Variants in BORCS8 observed in about 807,000 individuals in gnomAD.
The protein encoded by BORCS8 is BLOC-1 related complex subunit 8, also known as BLOC-1-related complex subunit 8.
In BORCS8, 13 loss-of-function variants were observed where a neutral mutation model predicts 18.7. The ratio of observed to expected loss-of-function variants is 0.70; its 90% CI spans 0.45 to 1.11. The LOEUF (loss-of-function observed/expected upper bound fraction) is 1.11, where lower values mean the gene tolerates loss of function less well. Ranked by LOEUF, BORCS8 falls within the 50% of genes least tolerant of loss-of-function variation. BORCS8 has a pLI of 0.00. For missense variants in BORCS8, 165 were observed against 165.7 expected (o/e 1.00, Z 0.02); for synonymous variants, 68 against 64.8 (o/e 1.05, Z -0.24).
At chr19:19,187,569 T>C (rs1371530678) in intron 1 of BORCS8, among the ~76,000 whole-genome samples, 3 of 151,324 alleles carry the variant, frequency 2.0e-5, no homozygotes, top group Admixed American at 1.3e-4. Flanking sequence ...AGACAGAGTC[T>C]TGCTCTGTCA....
At position 19,182,932 on chromosome 19, in the gene BORCS8, A is replaced by G. The variant is rs919066751; in HGVS notation, c.216-249T>C. On this transcript the variant is annotated intron_variant, in intron 3 of 5. Transcript: ENST00000462790. The surrounding 1 kb of genome is among the most constrained non-coding windows in gnomAD (Gnocchi z 4.1). ...GGAGGGATCAGTGTATAAAGATGTCATAAAAAATATCTCGGCCATTACTGC... is the reference window on the plus strand; with the variant it reads ...GGAGGGATCAGTGTATAAAGATGTCGTAAAAAATATCTCGGCCATTACTGC... 6.6e-6 allele frequency among the ~76,000 whole-genome samples: 1 copy of G among 152,230 alleles called. No individual in the cohort carries two copies. The highest frequency in any genetic ancestry group is 1.5e-5 in the Non-Finnish European group (1 of 68,044).
chr19:19,186,205 A>G, intron 2 of BORCS8, 107 bp from the exon 3 acceptor site: 3 of 1,069,094 alleles, frequency 2.8e-6, no homozygotes, highest in Non-Finnish European at 2.8e-6. Flanking sequence ...TGGTGGAAGC[A>G]GAGACCTTTC....
intron 4 of BORCS8, chr19:19,181,780 T>G (rs561290550): frequency 1.2e-6 from 1 of 838,886 alleles, no homozygotes. Context: ...ACAGATGCTT[T>G]CTTTCTTTTG....
intron 5 of BORCS8, chr19:19,177,720 AAAGAAAAGAAAAGAAAAGAAAAG>A (rs2060312771): frequency 5.9e-6 from 1 of 169,958 alleles, no homozygotes; most frequent in African/African-American, 2.8e-5. Context: ...AAAGAAAAGA[AAAGAAAAGAAAAGAAAAGAAAAG>A]AAAAGAAAAG....
Position 19,182,300 on chromosome 19 carries a change from G to A in BORCS8, c.326+273C>T. The A allele has an allele frequency of 5.4e-6, 4 of 739,198 alleles. No homozygotes were observed. The highest frequency in any genetic ancestry group is 7.4e-6 in the Non-Finnish European group (4 of 540,222). 45.8% of individuals were successfully genotyped at this position (739,198 alleles called of 1,614,324 possible). On this transcript the variant is annotated intron_variant, in intron 4 of 5. Coordinates refer to ENST00000462790, the MANE Select transcript of BORCS8 (RefSeq NM_001145784.2). This position sits in a 1 kb window ranked among gnomAD's most constrained non-coding sequence, Gnocchi z 4.1. ...TCTTGTCTGCCATGTTTACCTGGTT[G>A]TCGTATGTCTCCTTGTGAGCCTGTC... is the stretch of plus-strand genomic sequence containing the variant.
chr19:19,177,685 GAAGGAAGGAAGAGAAAAGAAAAGA>G (rs1161322957), intron 5 of BORCS8: 710 of 55,748 alleles, frequency 0.013, 9 homozygotes, highest in African/African-American at 0.018. Context: ...AGGAAGGAAG[GAAGGAAGGAAGAGAAAAGAAAAGA>G]AAAGAAAAGA....
At chr19:19,180,606 G>T in intron 5 of BORCS8, 80 bp downstream of exon 5, 2 of 986,512 alleles carry the variant, frequency 2.0e-6, no homozygotes, top group Non-Finnish European at 3.2e-6. Flanking sequence ...TAGACAAGCA[G>T]GTGCCTGCCT....
At chr19:19,181,203 A>T (rs2060345975) in intron 4 of BORCS8, among the ~76,000 whole-genome samples, 3 of 151,840 alleles carry the variant, frequency 2.0e-5, no homozygotes, top group Admixed American at 6.6e-5. Flanking sequence ...TTGAAAAAAA[A>T]AAAAAGGGAC....
intron 1 of BORCS8, 74 bp from the exon 2 acceptor site, chr19:19,187,079 G>A: frequency 8.2e-7 from 1 of 1,213,698 alleles, no homozygotes; most frequent in Non-Finnish European, 1.2e-6. Context: ...CAAGTGTTGA[G>A]CCCAGCCAGA....
At chr19:19,181,399 AACTC>A (rs1220533190) in intron 4 of BORCS8, among the ~76,000 whole-genome samples, 3 of 152,196 alleles carry the variant, frequency 2.0e-5, no homozygotes, top group Non-Finnish European at 4.4e-5. Flanking sequence ...CCACGTCTGC[AACTC>A]ACTCACACAA....
rs1271452520 is a variant in BORCS8, at chr19:19,186,896, G to C, written c.147C>G (p.His49Gln). 1 of 1,546,636 alleles carries C rather than the reference G, an allele frequency of 6.5e-7. No homozygotes were observed. The highest frequency in any genetic ancestry group is 2.0e-5 in the Admixed American group (1 of 50,756). Residue 49 changes from histidine to glutamine, a missense_variant, in exon 2 of 6, where the codon CAC becomes CAG. Coordinates refer to ENST00000462790, the MANE Select transcript of BORCS8 (RefSeq NM_001145784.2). ...CTCCCAGCAGGCCCCAGCTCACCTT[G>C]TGCTGGGCCAGCTCGGGGAGGGAGC... ...VRRSLPELAQHKADMQRWEEQ... is the reference protein window; with the variant it reads ...VRRSLPELAQQKADMQRWEEQ...
Position 19,186,003 on chromosome 19 carries a change from G to A in BORCS8, c.215+31C>T, listed in dbSNP as rs371391398. The A allele has an allele frequency of 6.8e-5, 105 of 1,547,048 alleles. No individual in the cohort carries two copies. In the African/African-American group the frequency reaches 1.1e-3, roughly 17 times the overall value. ...CCAGGAGGCCAGAGCAGCAAAAGGT[G>A]GCCCTGCAGCGGGGAGGCTGTGGCG... On this transcript the variant is annotated intron_variant, in intron 3 of 5. Transcript: ENST00000462790.
chr19:19,192,029 G>C, intron 1 of BORCS8, 52 bp downstream of exon 1: 1 of 1,547,738 alleles, frequency 6.5e-7, no homozygotes, highest in Non-Finnish European at 8.7e-7. Context: ...TTGTCAGGCC[G>C]CCCCTCCACA....
chr19:19,185,469 T>C (rs2060397062), intron 3 of BORCS8, among the ~76,000 whole-genome samples: 1 of 152,164 alleles, frequency 6.6e-6, no homozygotes, highest in Non-Finnish European at 1.5e-5. Context: ...GTAGATCACC[T>C]GAGGTCAGAA....
rs1449549563 is a variant in BORCS8 at position 19,177,682 on chromosome 19, AAGGAAGGAAGGAAG to A, written c.*43-236_*43-223del. ...GAAGGAAGGAAGGAAGGAAGGAAGG[AAGGAAGGAAGGAAG>A]AGAAAAGAAAAGAAAAGAAAAGAAA... On this transcript the variant is annotated intron_variant, in intron 5 of 5. Transcript: ENST00000462790. 0.016 allele frequency: 1,169 copies of A among 71,500 alleles called. 77 individuals carry two copies. The East Asian group carries it at 0.17, about 11-fold the overall frequency. The allele number at this position is 71,500 out of a possible 1,614,324, so 4.4% of individuals were successfully genotyped here.
At chr19:19,190,878 C>T (rs1392799730) in intron 1 of BORCS8, among the ~76,000 whole-genome samples, 1 of 152,056 alleles carries the variant, frequency 6.6e-6, no homozygotes, top group East Asian at 1.9e-4. Flanking sequence ...ATCCATGGTT[C>T]CCGAATCTGT....
At chr19:19,177,684 GGAAGGAAGGAAGAGAAAA>G (rs1233212335) in intron 5 of BORCS8, 10 of 47,630 alleles carry the variant, frequency 2.1e-4, no homozygotes, top group African/African-American at 9.5e-4. Flanking sequence ...AAGGAAGGAA[GGAAGGAAGGAAGAGAAAA>G]GAAAAGAAAA....
At chr19:19,178,903 T>G (rs2060325099) in intron 5 of BORCS8, 1 of 147,788 alleles carries the variant, frequency 6.8e-6, no homozygotes, top group Non-Finnish European at 1.5e-5. Context: ...GAGGTTACAC[T>G]GAACCGAGAT....
intron 1 of BORCS8, among the ~76,000 whole-genome samples, chr19:19,189,308 C>T (rs567113119): frequency 2.6e-5 from 4 of 152,292 alleles, no homozygotes; most frequent in East Asian, 3.9e-4. Context: ...CAGCGAGGCA[C>T]GGCCATCTCC....
Sources: gnomAD v4.1 joint callset for allele counts (sites outside exome capture counted in the v4.1 genomes callset) on GRCh38, gnomAD v4.1.1 for gene constraint, Gnocchi (gnomAD v3.1) non-coding constraint, MANE v1.5 for transcripts, NCBI Gene and HGNC (gene_info 2026-07-23, HGNC 2026-07-21) for gene names.